The following PCDHGA9 variants were observed in gnomAD, a reference collection of about 807,000 sequenced individuals.
PCDHGA9 encodes the protein protocadherin gamma-A9.
PCDHGA9 carries 37 observed loss-of-function variants against 62.5 expected under a neutral mutation model. That is an observed-to-expected ratio of 0.59 (90% CI 0.46 to 0.78). PCDHGA9 has a LOEUF of 0.78. PCDHGA9 is among the 30% of genes least tolerant of loss of function. The pLI is 0.00. For synonymous variants in PCDHGA9, 459 were observed against 484.6 expected, an observed-to-expected ratio of 0.95 and a Z score of 0.69; for missense variants, 1,138 against 1,166.2, an observed-to-expected ratio of 0.98 and a Z score of 0.35.
intron 1 of PCDHGA9, chr5:141,409,189 C>T (rs1216028242): frequency 6.2e-7 from 1 of 1,613,918 alleles, no homozygotes; most frequent in Admixed American, 1.7e-5. Flanking sequence ...GTCTCTCTAC[C>T]CAGTGTAAAG....
intron 1 of PCDHGA9, chr5:141,415,641 TA>T (rs113784532): frequency 0.022 from 22,367 of 1,034,442 alleles, 38 homozygotes; most frequent in Admixed American, 0.045. Context: ...TTACTTTTGT[TA>T]AAAAAAAAAA....
In PCDHGA9 at chr5:141,477,875, G is replaced by A. The variant is rs760433987; in HGVS notation, c.2425-16932G>A. Reference sequence around the variant, plus strand: ...GATGCTGCCTCGAGGTACCTCAGCTGGCCACCTAGTGTCACGGGTGGTAGG... The same window carrying A: ...GATGCTGCCTCGAGGTACCTCAGCTAGCCACCTAGTGTCACGGGTGGTAGG... On this transcript the variant is annotated intron_variant, in intron 1 of 3. Coordinates refer to ENST00000573521, the MANE Select transcript of PCDHGA9 (RefSeq NM_018921.3). The surrounding 1 kb of genome is among the most constrained non-coding windows in gnomAD (Gnocchi z 4.9). 1 of 1,614,162 alleles carries A rather than the reference G, an allele frequency of 6.2e-7. No homozygotes were observed. Among genetic ancestry groups the A allele is most frequent in the Non-Finnish European group, 8.5e-7 (1 of 1,180,028 alleles).
intron 1 of PCDHGA9, among the ~76,000 whole-genome samples, chr5:141,482,089 C>CAA (rs36035257): frequency 1.0e-3 from 137 of 134,516 alleles, no homozygotes; most frequent in African/African-American, 1.5e-3. Context: ...CACTCCATCT[C>CAA]AAAAAAAAAA....
chr5:141,496,795 T>C (rs886559302), intron 2 of PCDHGA9, among the ~76,000 whole-genome samples: 27 of 151,976 alleles, frequency 1.8e-4, no homozygotes, highest in Middle Eastern at 3.4e-3. Flanking sequence ...GTGCTAAACA[T>C]TGGGCTATAG....
chr5:141,460,822 C>A (rs2098998601), intron 1 of PCDHGA9, among the ~76,000 whole-genome samples: 2 of 151,502 alleles, frequency 1.3e-5, no homozygotes, highest in South Asian at 4.1e-4. Context: ...TACATATATA[C>A]ACACTTAAAG....
chr5:141,492,072 C>G (rs2099736816), intron 1 of PCDHGA9: 2 of 480,040 alleles, frequency 4.2e-6, no homozygotes, highest in East Asian at 3.3e-5. Context: ...TCCTAGGCGC[C>G]GGCTCCGGCA....
In PCDHGA9 at chr5:141,463,518, G is replaced by A. The variant is rs537466389; in HGVS notation, c.2425-31289G>A. 5.7e-5 allele frequency among the ~76,000 whole-genome samples: 8 copies of A among 139,140 alleles called. No individual in the cohort carries two copies. The East Asian group carries it at 1.3e-3, about 22-fold the overall frequency. The allele number at this position is 139,140 out of a possible 152,430, so 91.3% of individuals were successfully genotyped here. On this transcript the variant is annotated intron_variant, in intron 1 of 3. Coordinates refer to ENST00000573521, the MANE Select transcript of PCDHGA9 (RefSeq NM_018921.3). The stretch of plus-strand genomic sequence containing the variant: ...GGCTGGAGTGACGTGGCGTGATCTC[G>A]GCTTACTAGAAACTCCGGCTCCCGG...
Position 141,431,756 on chromosome 5 carries a change from G to T in PCDHGA9, c.2424+26380G>T. The T allele has an allele frequency of 6.2e-7, 1 of 1,614,236 alleles. No individual in the cohort carries two copies. Among genetic ancestry groups the T allele is most frequent in the South Asian group, 1.1e-5 (1 of 91,088 alleles). On this transcript the variant is annotated intron_variant, in intron 1 of 3. Transcript: ENST00000573521. This position sits in a 1 kb window ranked among gnomAD's most constrained non-coding sequence, Gnocchi z 4.8. Reference sequence around the variant, plus strand: ...TGCAGGATATTCTGCGCGAGCCAAAGTCCTGATCACTGTTCTGGACGTGAA... The same window carrying T: ...TGCAGGATATTCTGCGCGAGCCAAATTCCTGATCACTGTTCTGGACGTGAA...
Position 141,404,892 on chromosome 5 carries a change from A to T in PCDHGA9, c.1940A>T (p.Gln647Leu). The T allele has an allele frequency of 6.2e-7, 1 of 1,613,880 alleles. No individual in the cohort carries two copies. Among genetic ancestry groups the T allele is most frequent in the African/African-American group, 1.3e-5 (1 of 75,042 alleles). Residue 647 changes from glutamine to leucine, a missense_variant, in exon 1 of 4, where the codon CAG becomes CTG. Physicochemically the swap from Gln to Leu is moderately radical, Grantham distance 113. Transcript: ENST00000573521. ...ALKQSLVVAV[Q>L]DHGQPPLSAT... is the part of the protein sequence containing the mutation. ...AAACAGAGCCTTGTGGTGGCTGTAC[A>T]GGACCATGGCCAGCCCCCTCTCTCG... is the stretch of plus-strand genomic sequence containing the variant.
At chr5:141,480,942 G>T (rs2099528600) in intron 1 of PCDHGA9, among the ~76,000 whole-genome samples, 3 of 152,132 alleles carry the variant, frequency 2.0e-5, no homozygotes, top group Non-Finnish European at 2.9e-5. Flanking sequence ...CTACTCTAGA[G>T]GCTGAGGCGG....
chr5:141,452,133 A>C (rs2098734490), intron 1 of PCDHGA9, among the ~76,000 whole-genome samples: 1 of 152,136 alleles, frequency 6.6e-6, no homozygotes, highest in Admixed American at 6.5e-5. Flanking sequence ...TATATGGCTC[A>C]TGTGTTTTTT....
chr5:141,415,740 G>GTTTTTTTTTTTTTTTTTTTGTTT, intron 1 of PCDHGA9: 1 of 617,992 alleles, frequency 1.6e-6, no homozygotes, highest in Non-Finnish European at 2.1e-6. Flanking sequence ...GTTTATTAAG[G>GTTTTTTTTTTTTTTTTTTTGTTT]TTTTTTTTTT....
intron 1 of PCDHGA9, chr5:141,430,753 G>C (rs1175014357): frequency 6.6e-7 from 1 of 1,504,258 alleles, no homozygotes. Context: ...TCTGGAGGAA[G>C]ATAAGAATGA....
chr5:141,482,470 C>T (rs768383368), intron 1 of PCDHGA9, among the ~76,000 whole-genome samples: 8 of 137,876 alleles, frequency 5.8e-5, no homozygotes, highest in Non-Finnish European at 1.2e-4. Flanking sequence ...ATGTGCCAGA[C>T]ACTGTAAACA....
chr5:141,402,882 G>C lies in PCDHGA9; in HGVS notation c.-71G>C. On this transcript the variant is annotated 5_prime_UTR_variant, in exon 1 of 4. Transcript: ENST00000573521. ...AGGAAAAGATCACCATACTTTGCAG[G>C]GTGGAAGAAAGAACCTGATGAAGCA... is the stretch of plus-strand genomic sequence containing the variant. 2 of 1,479,680 alleles carry C rather than the reference G, an allele frequency of 1.4e-6. No individual in the cohort carries two copies. Among genetic ancestry groups the C allele is most frequent in the East Asian group, 4.8e-5 (2 of 41,432 alleles). 91.7% of individuals were successfully genotyped at this position (1,479,680 alleles called of 1,614,324 possible). A position where few individuals can be genotyped will look rare whatever the true frequency, so the allele number is the denominator to read the frequency against.
intron 1 of PCDHGA9, chr5:141,427,297 A>G (rs1292641772): frequency 2.2e-6 from 1 of 456,900 alleles, no homozygotes; most frequent in Non-Finnish European, 4.4e-6. Context: ...ATCCTAGATG[A>G]GAATGACAAT....
At position 141,487,700 on chromosome 5, in the gene PCDHGA9, C is replaced by A; in HGVS notation, c.2425-7107C>A. On this transcript the variant is annotated intron_variant, in intron 1 of 3. Coordinates refer to ENST00000573521, the MANE Select transcript of PCDHGA9 (RefSeq NM_018921.3). This position sits in a 1 kb window ranked among gnomAD's most constrained non-coding sequence, Gnocchi z 5.0. ...AGGCCATGTCCTAGAGAGTACTGGCCTCTCAGTAAGTGCCCATAGTGATGT... is the reference window on the plus strand; with the variant it reads ...AGGCCATGTCCTAGAGAGTACTGGCATCTCAGTAAGTGCCCATAGTGATGT... The A allele has an allele frequency of 6.3e-7, 1 of 1,597,514 alleles. No homozygotes were observed. Among genetic ancestry groups the A allele is most frequent in the African/African-American group, 1.3e-5 (1 of 74,868 alleles).
intron 1 of PCDHGA9, chr5:141,415,906 A>C (rs2154546200): frequency 1.3e-6 from 1 of 784,990 alleles, no homozygotes; most frequent in East Asian, 3.5e-5. Context: ...ACAGACTTCC[A>C]TACAGAAGTG....
At chr5:141,464,862 C>T (rs1166573359) in intron 1 of PCDHGA9, among the ~76,000 whole-genome samples, 1 of 152,076 alleles carries the variant, frequency 6.6e-6, no homozygotes, top group African/African-American at 2.4e-5. Context: ...CCTTAGCCTC[C>T]CAAGTAGCTA....
Sources: gnomAD v4.1 joint callset for allele counts (sites outside exome capture counted in the v4.1 genomes callset) on GRCh38, gnomAD v4.1.1 for gene constraint, Gnocchi (gnomAD v3.1) non-coding constraint, MANE v1.5 for transcripts, NCBI Gene and HGNC (gene_info 2026-07-23, HGNC 2026-07-21) for gene names.